The following SMURF2 variants were observed in gnomAD, a reference collection of about 807,000 sequenced individuals.
The protein encoded by SMURF2 is SMAD specific E3 ubiquitin protein ligase 2.
Under a neutral mutation model 109.6 loss-of-function variants are expected in SMURF2, and 48 were observed. The ratio of observed to expected loss-of-function variants is 0.44; its 90% CI spans 0.35 to 0.56. The LOEUF (loss-of-function observed/expected upper bound fraction) is 0.56. Among genes scored for constraint, SMURF2 ranks in the 20% least tolerant of loss-of-function variants. The pLI is 0.01. For synonymous variants in SMURF2, 288 were observed against 317.1 expected (o/e 0.91, Z 0.97); for missense variants, 575 against 909.0 (o/e 0.63, Z 4.72).
chr17:64,583,078 G>C (rs1441374156), intron 7 of SMURF2, among the ~76,000 whole-genome samples: 1 of 152,040 alleles, frequency 6.6e-6, no homozygotes, highest in Non-Finnish European at 1.5e-5. Flanking sequence ...TTTTGGTAGA[G>C]ACAGGGTTTC....
At chr17:64,602,929 GA>G (rs1249550061) in intron 2 of SMURF2, among the ~76,000 whole-genome samples, 10 of 149,656 alleles carry the variant, frequency 6.7e-5, no homozygotes, top group African/African-American at 2.2e-4. Flanking sequence ...TGTCTCAAGG[GA>G]AAAAAAAAAT....
chr17:64,626,110 T>C (rs536352658), intron 1 of SMURF2, among the ~76,000 whole-genome samples: 2 of 151,008 alleles, frequency 1.3e-5, no homozygotes, highest in Non-Finnish European at 3.0e-5. Flanking sequence ...TACAAAAAAA[T>C]GAGCAAGACA....
chr17:64,583,251 C>T (rs2144640828), intron 7 of SMURF2, among the ~76,000 whole-genome samples: 1 of 152,236 alleles, frequency 6.6e-6, no homozygotes, highest in East Asian at 1.9e-4. Context: ...AGTACCACTG[C>T]AGGCCCTGGA....
chr17:64,562,824 G>A lies in SMURF2; in HGVS notation c.1159C>T (p.Gln387Ter), dbSNP rs1292055396. The change falls in exon 11 of 19, where the codon CAG (glutamine) becomes TAG (stop). Residue 387 changes from glutamine to a stop codon, truncating the protein, a stop_gained. Coordinates refer to ENST00000262435, the MANE Select transcript of SMURF2 (RefSeq NM_022739.4). LOFTEE classifies it high-confidence loss of function. The part of the protein sequence containing the change: ...KILRQELSQQ[Q>*]PQAGHCRIEV... Reference sequence around the variant, plus strand: ...ATGCGGCAATGACCTGCCTGAGGCTGTTGTTGGGAAAGTTCTTGCCGCAAA... The same window carrying A: ...ATGCGGCAATGACCTGCCTGAGGCTATTGTTGGGAAAGTTCTTGCCGCAAA... 1.2e-6 allele frequency: 2 copies of A among 1,614,176 alleles called. No homozygotes were observed. Among genetic ancestry groups the A allele is most frequent in the Non-Finnish European group, 1.7e-6 (2 of 1,180,028 alleles).
intron 1 of SMURF2, among the ~76,000 whole-genome samples, chr17:64,659,675 T>C (rs964905000): frequency 8.5e-5 from 13 of 152,112 alleles, no homozygotes; most frequent in African/African-American, 2.7e-4. Context: ...AAAACAATCT[T>C]TTCCATCTAA....
chr17:64,562,571 G>T (rs1279667326), intron 11 of SMURF2, among the ~76,000 whole-genome samples, 200 bp downstream of exon 11: 2 of 151,924 alleles, frequency 1.3e-5, no homozygotes, highest in African/African-American at 4.8e-5. Context: ...TAGAGATGGG[G>T]TTTCTCCATG....
intron 1 of SMURF2, among the ~76,000 whole-genome samples, chr17:64,658,980 T>C (rs1970738868): frequency 6.6e-6 from 1 of 152,244 alleles, no homozygotes; most frequent in South Asian, 2.1e-4. Flanking sequence ...GCCTGAGGAA[T>C]CTAAAATTTG....
At chr17:64,631,328 C>CAG (rs1282544902) in intron 1 of SMURF2, among the ~76,000 whole-genome samples, 2 of 65,050 alleles carry the variant, frequency 3.1e-5, no homozygotes, top group African/African-American at 1.3e-4. Context: ...GAGAGAGAGA[C>CAG]AGAGAGAGAG....
intron 1 of SMURF2, among the ~76,000 whole-genome samples, chr17:64,659,726 C>T (rs1479173886): frequency 2.0e-5 from 3 of 151,972 alleles, no homozygotes; most frequent in Non-Finnish European, 4.4e-5. Flanking sequence ...TAATTGAATC[C>T]AGCTCTTGAG....
intron 16 of SMURF2, among the ~76,000 whole-genome samples, chr17:64,548,817 T>C (rs1968995178): frequency 6.6e-6 from 1 of 152,180 alleles, no homozygotes; most frequent in Admixed American, 6.5e-5. Context: ...TTTTATACTA[T>C]CATTAATATG....
At chr17:64,580,746 A>G (rs1555686473) in intron 8 of SMURF2, 43 bp downstream of exon 8, 1 of 1,572,476 alleles carries the variant, frequency 6.4e-7, no homozygotes, top group South Asian at 1.1e-5. Context: ...AGCAAACTGA[A>G]ATCAGTAAAC....
In SMURF2 at chr17:64,557,647, A is replaced by T. The variant is rs1432820857; in HGVS notation, c.1392T>A (p.Ile464=). The part of the protein sequence containing the change: ...YGLFQYSRDD[I]YTLQINPDSA... ...AATCAGGATTGATCTGCAATGTATA[A>T]ATATCATCTCTTGAATACTGGAAGA... The change falls in exon 13 of 19, where the codon ATT becomes ATA. Residue 464 remains isoleucine, a synonymous_variant. Coordinates refer to ENST00000262435, the MANE Select transcript of SMURF2 (RefSeq NM_022739.4). 1 of 1,611,766 alleles carries T rather than the reference A, an allele frequency of 6.2e-7. No individual in the cohort carries two copies. The highest frequency in any genetic ancestry group is 8.5e-7 in the Non-Finnish European group (1 of 1,178,352).
At chr17:64,621,994 G>A (rs1345291098) in intron 1 of SMURF2, among the ~76,000 whole-genome samples, 2 of 131,900 alleles carry the variant, frequency 1.5e-5, no homozygotes, top group Non-Finnish European at 3.1e-5. Context: ...ATAAAAAAAA[G>A]CACTGTAGTG....
Position 64,545,368 on chromosome 17 carries a change from ATAATT to A in SMURF2, c.*475_*479del, listed in dbSNP as rs782350262. 2 of 152,674 alleles carry A rather than the reference ATAATT, an allele frequency of 1.3e-5. No individual in the cohort carries two copies. Among genetic ancestry groups the A allele is most frequent in the African/African-American group, 2.4e-5 (1 of 41,446 alleles). The allele number at this position is 152,674 out of a possible 1,614,324, so 9.5% of individuals were successfully genotyped here. A position where few individuals can be genotyped will look rare whatever the true frequency, so the allele number is the denominator to read the frequency against. ...GTTTACAAAGGTAGAATAATTCAAA[ATAATT>A]TTATTTTTTTTTACAAAGAGCAAGT... On this transcript the variant is annotated 3_prime_UTR_variant, in exon 19 of 19. Coordinates refer to ENST00000262435, the MANE Select transcript of SMURF2 (RefSeq NM_022739.4).
intron 10 of SMURF2, among the ~76,000 whole-genome samples, chr17:64,564,738 TTCTC>T (rs1342094853): frequency 6.6e-6 from 1 of 152,154 alleles, no homozygotes; most frequent in Non-Finnish European, 1.5e-5. Context: ...ATGGAACAGA[TTCTC>T]TCTCAAAGCC....
intron 13 of SMURF2, 149 bp from the exon 14 acceptor site, chr17:64,556,147 C>A (rs1286483121): frequency 1.7e-6 from 1 of 575,376 alleles, no homozygotes; most frequent in Non-Finnish European, 3.1e-6. Context: ...TTCTCTAGGG[C>A]ATGCTCCAGA....
Position 64,543,151 on chromosome 17 carries a change from T to TG in SMURF2, c.*2696dup, listed in dbSNP as rs1311122879. 1 of 152,208 alleles carries TG rather than the reference T, an allele frequency of 6.6e-6. No homozygotes were observed. The highest frequency in any genetic ancestry group is 6.5e-5 in the Admixed American group (1 of 15,280). 9.4% of individuals were successfully genotyped at this position (152,208 alleles called of 1,614,324 possible). A position where few individuals can be genotyped will look rare whatever the true frequency, so the allele number is the denominator to read the frequency against. On this transcript the variant is annotated 3_prime_UTR_variant, in exon 19 of 19. Transcript: ENST00000262435. ...GCAAGTCCATGGTTCAATAATACAT[T>TG]GGGGGTTTTTGCTTAGCACCTATTT...
Position 64,558,981 on chromosome 17 carries a change from T to C in SMURF2, c.1317-1259A>G, listed in dbSNP as rs563855166. 2.0e-5 allele frequency among the ~76,000 whole-genome samples: 3 copies of C among 152,322 alleles called. 1 individual carries two copies. In the South Asian group the frequency reaches 6.2e-4, roughly 32 times the overall value. On this transcript the variant is annotated intron_variant, in intron 12 of 18. Transcript: ENST00000262435. ...TAAAGGAAACTGTTTCAAAATTCTA[T>C]GTGATGGAGTCTAAATTAAATTACT...
intron 1 of SMURF2, among the ~76,000 whole-genome samples, chr17:64,642,366 T>C (rs551192947): frequency 2.0e-5 from 3 of 152,324 alleles, no homozygotes; most frequent in Admixed American, 2.0e-4. Flanking sequence ...ATGATTCTTC[T>C]ATAGCAAAAG....
Sources: allele counts gnomAD v4.1 joint callset (sites outside exome capture counted in the v4.1 genomes callset), GRCh38; gene constraint gnomAD v4.1.1; transcripts MANE v1.5; gene names NCBI Gene and HGNC (gene_info 2026-07-23, HGNC 2026-07-21).